Variants in SP100 observed in about 807,000 individuals in gnomAD.
SP100 encodes the protein nuclear autoantigen Sp-100.
A neutral mutation model predicts 130.0 loss-of-function variants in SP100; 84 were observed. That is an observed-to-expected ratio of 0.65 (90% CI 0.54 to 0.77). The LOEUF (loss-of-function observed/expected upper bound fraction) is 0.77, where lower values mean the gene tolerates loss of function less well. SP100 is among the 30% of genes least tolerant of loss of function. The pLI, the probability that SP100 is intolerant of heterozygous loss-of-function variation, is 0.00. For synonymous variants in SP100, 331 were observed against 351.7 expected, an observed-to-expected ratio of 0.94 and a Z score of 0.66; for missense variants, 978 against 1,052.2, an observed-to-expected ratio of 0.93 and a Z score of 0.97.
At chr2:230,433,218 G>A (rs1485999685) in intron 2 of SP100, among the ~76,000 whole-genome samples, 1 of 152,100 alleles carries the variant, frequency 6.6e-6, no homozygotes, top group African/African-American at 2.4e-5. Context: ...TTTTGCATGT[G>A]CCTATCCAGT....
intron 2 of SP100, among the ~76,000 whole-genome samples, chr2:230,425,420 G>GTGTTGAA (rs1410642076): frequency 4.8e-5 from 7 of 147,168 alleles, no homozygotes; most frequent in African/African-American, 1.2e-4. Context: ...TGGCCTTTAT[G>GTGTTGAA]GTATATTTCA....
chr2:230,427,334 A>G (rs1325431493), intron 2 of SP100, among the ~76,000 whole-genome samples: 5 of 151,754 alleles, frequency 3.3e-5, no homozygotes, highest in African/African-American at 4.8e-5. Context: ...GCTAATTTTT[A>G]TATTTTTAGT....
At chr2:230,501,351 T>C (rs1026344687) in intron 19 of SP100, among the ~76,000 whole-genome samples, 3 of 152,216 alleles carry the variant, frequency 2.0e-5, no homozygotes, top group South Asian at 2.1e-4. Context: ...TGTATCTCCA[T>C]AATATTTTAA....
At chr2:230,476,578 T>C (rs1317099072) in intron 17 of SP100, among the ~76,000 whole-genome samples, 1 of 152,222 alleles carries the variant, frequency 6.6e-6, no homozygotes, top group East Asian at 1.9e-4. Context: ...TTGGTGTCTA[T>C]CTTTCCAGAA....
intron 24 of SP100, among the ~76,000 whole-genome samples, chr2:230,522,412 C>G (rs1350236901): frequency 4.7e-5 from 7 of 149,292 alleles, no homozygotes; most frequent in African/African-American, 1.7e-4. Flanking sequence ...AGCTGCTGTT[C>G]TAAACAGAGT....
chr2:230,511,077 G>A, intron 23 of SP100, 48 bp from the exon 24 acceptor site: 2 of 1,328,986 alleles, frequency 1.5e-6, no homozygotes, highest in Admixed American at 3.4e-5. Context: ...TGGGGTTAAT[G>A]AAAAATCACA....
At chr2:230,530,050 G>A (rs927240901) in intron 24 of SP100, among the ~76,000 whole-genome samples, 6 of 152,280 alleles carry the variant, frequency 3.9e-5, no homozygotes, top group Non-Finnish European at 8.8e-5. Context: ...AGCTACCACT[G>A]ACTTTCTTCA....
At chr2:230,423,591 G>A (rs2149860641) in intron 2 of SP100, among the ~76,000 whole-genome samples, 1 of 152,022 alleles carries the variant, frequency 6.6e-6, no homozygotes, top group East Asian at 1.9e-4. Context: ...CTAATACGTT[G>A]GTTTAAAACT....
At chr2:230,425,289 C>T (rs1026306502) in intron 2 of SP100, among the ~76,000 whole-genome samples, 5 of 152,206 alleles carry the variant, frequency 3.3e-5, no homozygotes, top group African/African-American at 1.2e-4. Flanking sequence ...CTTTAACCAA[C>T]ATTTCCCCAT....
intron 17 of SP100, among the ~76,000 whole-genome samples, chr2:230,491,510 C>A (rs995389202): frequency 6.6e-6 from 1 of 152,222 alleles, no homozygotes; most frequent in South Asian, 2.1e-4. Context: ...CATCCAGCCT[C>A]CCTGGCTCCA....
chr2:230,503,687 G>A (rs1040199025), intron 20 of SP100, among the ~76,000 whole-genome samples: 7 of 152,012 alleles, frequency 4.6e-5, no homozygotes, highest in South Asian at 2.1e-4. Context: ...TTTTAGCGTC[G>A]GAGAAAGCTC....
rs371588938 is a variant in SP100, at chr2:230,540,935, G to A, written c.2270G>A (p.Ser757Asn). The change falls in exon 26 of 29, where the codon AGC becomes AAC. Residue 757 changes from serine to asparagine, a missense_variant. By Grantham distance (46) the Ser-to-Asn change is conservative. Transcript: ENST00000340126. ...IKTIQERCPE[S>N]QSGHQESEVL... ...ACTATTCAGGAAAGATGCCCAGAAA[G>A]CCAATCAGGTCATCAGGAATCTGAA... 1.4e-5 allele frequency: 23 copies of A among 1,613,714 alleles called. No homozygotes were observed. The African/African-American group carries it at 2.5e-4, about 18-fold the overall frequency.
At chr2:230,434,516 A>G (rs1423387442) in intron 2 of SP100, among the ~76,000 whole-genome samples, 2 of 152,198 alleles carry the variant, frequency 1.3e-5, no homozygotes, top group Non-Finnish European at 2.9e-5. Context: ...TTTTTGGGGG[A>G]AAAGAGACAA....
chr2:230,516,665 G>C (rs1690930439), intron 24 of SP100: 1 of 152,140 alleles, frequency 6.6e-6, no homozygotes, highest in African/African-American at 2.4e-5. Flanking sequence ...CTATGTTCAA[G>C]AGTACTTGCC....
intron 13 of SP100, among the ~76,000 whole-genome samples, chr2:230,468,077 A>G (rs2065051322): frequency 6.6e-6 from 1 of 152,214 alleles, no homozygotes; most frequent in South Asian, 2.1e-4. Flanking sequence ...CATCTTTACA[A>G]CAACCTAAAA....
chr2:230,469,652 AAG>A, intron 14 of SP100: 1 of 767,676 alleles, frequency 1.3e-6, no homozygotes, highest in Admixed American at 3.3e-5. Context: ...AGGGTAGGAA[AAG>A]AGAGCTTTGG....
At chr2:230,462,279 A>G (rs952293512) in intron 9 of SP100, among the ~76,000 whole-genome samples, 156 bp from the exon 10 acceptor site, 4 of 152,174 alleles carry the variant, frequency 2.6e-5, no homozygotes, top group Non-Finnish European at 5.9e-5. Context: ...AGAACTTGGA[A>G]CAAACTGCAG....
At position 230,506,356 on chromosome 2, in the gene SP100, G is replaced by C; in HGVS notation, c.1924G>C (p.Glu642Gln). 1 of 1,613,958 alleles carries C rather than the reference G, an allele frequency of 6.2e-7. No homozygotes were observed. Among genetic ancestry groups the C allele is most frequent in the Non-Finnish European group, 8.5e-7 (1 of 1,179,844 alleles). Residue 642 changes from glutamate (E) to glutamine (Q), a missense_variant, in exon 22 of 29, where the codon GAA becomes CAA. By Grantham distance (29) the Glu-to-Gln change is conservative. Transcript: ENST00000340126. ...GGATAAAAAGTGGTTCACTCCCAGG[G>C]AATTTGAAATTGAAGGAGACCGCGG... Reference protein sequence around the residue: ...SEDKKWFTPREFEIEGDRGAS... With the variant: ...SEDKKWFTPRQFEIEGDRGAS...
At position 230,449,112 on chromosome 2, in the gene SP100, G is replaced by A; in HGVS notation, c.548G>A (p.Ser183Asn). 6.2e-7 allele frequency: 1 copy of A among 1,612,382 alleles called. No individual in the cohort carries two copies. The highest frequency in any genetic ancestry group is 8.5e-7 in the Non-Finnish European group (1 of 1,178,374). The change falls in exon 6 of 29, where the codon AGC becomes AAC. Residue 183 changes from serine to asparagine, a missense_variant. By Grantham distance (46) the Ser-to-Asn change is conservative. Transcript: ENST00000340126. The part of the protein sequence containing the change: ...EQGTGENSFR[S>N]LTWPPSGSPS... ...GGAACTGGTGAAAACTCTTTTCGAA[G>A]CCTGACTTGGCCACCTTCGGGTTCC...
Sources: gnomAD v4.1 joint callset for allele counts (sites outside exome capture counted in the v4.1 genomes callset) on GRCh38, gnomAD v4.1.1 for gene constraint, MANE v1.5 for transcripts, NCBI Gene and HGNC (gene_info 2026-07-23, HGNC 2026-07-21) for gene names.